ATP6V1B2: variants seen among roughly 807,000 people sequenced by gnomAD.
ATP6V1B2 encodes the protein ATPase H+ transporting V1 subunit B2, also known as V-type proton ATPase subunit B, brain isoform.
Under a neutral mutation model 66.7 loss-of-function variants are expected in ATP6V1B2, and 23 were observed. The ratio of observed to expected loss-of-function variants is 0.34; its 90% CI spans 0.25 to 0.49. The LOEUF (loss-of-function observed/expected upper bound fraction) is 0.49. Among genes scored for constraint, ATP6V1B2 ranks in the 20% least tolerant of loss-of-function variants. The probability of loss-of-function intolerance (pLI) is 0.99; values close to 1 mark genes in which losing one functional copy is unlikely to be tolerated. For synonymous variants in ATP6V1B2, 278 were observed against 236.7 expected (o/e 1.17, Z -1.60); for missense variants, 478 against 650.8 (o/e 0.73, Z 2.89).
intron 2 of ATP6V1B2, among the ~76,000 whole-genome samples, chr8:20,207,944 T>C (rs1479031272): frequency 6.6e-6 from 1 of 152,226 alleles, no homozygotes; most frequent in Non-Finnish European, 1.5e-5. Context: ...GAATGAATAA[T>C]TGACAATGAT....
intron 1 of ATP6V1B2, among the ~76,000 whole-genome samples, chr8:20,201,529 T>A (rs73214062): frequency 6.6e-6 from 1 of 152,178 alleles, no homozygotes; most frequent in Non-Finnish European, 1.5e-5. Flanking sequence ...TGTCCCCACT[T>A]GTAGTCCAAG....
chr8:20,211,154 T>A (rs763031821), intron 5 of ATP6V1B2, 23 bp from the exon 6 acceptor site: 4 of 1,596,432 alleles, frequency 2.5e-6, no homozygotes, highest in South Asian at 2.3e-5. Flanking sequence ...TTGTTGAAAT[T>A]TTCCTTTTTG....
intron 1 of ATP6V1B2, among the ~76,000 whole-genome samples, chr8:20,198,050 G>A (rs1175477991): frequency 2.0e-5 from 3 of 152,244 alleles, no homozygotes; most frequent in Non-Finnish European, 2.9e-5. Context: ...CCAGTAGCCA[G>A]AGGGAGATGT....
chr8:20,197,913 G>A (rs1459020535), intron 1 of ATP6V1B2, among the ~76,000 whole-genome samples: 1 of 152,180 alleles, frequency 6.6e-6, no homozygotes, highest in Non-Finnish European at 1.5e-5. Flanking sequence ...TGGATATCTA[G>A]GGGTCGAGGG....
intron 2 of ATP6V1B2, among the ~76,000 whole-genome samples, chr8:20,205,256 T>A (rs911115933): frequency 1.3e-5 from 2 of 152,180 alleles, no homozygotes; most frequent in African/African-American, 4.8e-5. Flanking sequence ...AAAATATAAA[T>A]TTTTTAAATA....
At chr8:20,211,521 T>C in intron 6 of ATP6V1B2, 131 bp from the exon 7 acceptor site, 2 of 1,271,348 alleles carry the variant, frequency 1.6e-6, no homozygotes, top group South Asian at 1.4e-5. Flanking sequence ...AAAATAGTTT[T>C]GTTGAATGAA....
At chr8:20,210,311 CT>C in intron 3 of ATP6V1B2, 34 bp from the exon 4 acceptor site, 1 of 1,557,476 alleles carries the variant, frequency 6.4e-7, no homozygotes, top group Non-Finnish European at 8.8e-7. Flanking sequence ...ATCTAAATTA[CT>C]TCTACCCTTC....
intron 6 of ATP6V1B2, 98 bp from the exon 7 acceptor site, chr8:20,211,554 G>T (rs1030283402): frequency 1.5e-6 from 2 of 1,378,318 alleles, no homozygotes; most frequent in Non-Finnish European, 2.0e-6. Flanking sequence ...TCCTGGTTTC[G>T]TTTATGATTA....
Position 20,205,532 on chromosome 8 carries a change from A to G in ATP6V1B2, c.192+993A>G, listed in dbSNP as rs918524529. On this transcript the variant is annotated intron_variant, in intron 2 of 13. Transcript: ENST00000276390. The stretch of plus-strand genomic sequence containing the variant: ...ATTTTAAGAGACCTAAAAAAGTTTC[A>G]TTGAATGTTACATTGGGTTGTAGTT... Among the ~76,000 whole-genome samples, 4 of 152,224 alleles carry G rather than the reference A, an allele frequency of 2.6e-5. No homozygotes were observed. The East Asian group carries it at 7.7e-4, about 29-fold the overall frequency.
intron 1 of ATP6V1B2, among the ~76,000 whole-genome samples, chr8:20,199,236 G>A (rs1180467236): frequency 1.3e-5 from 2 of 152,318 alleles, no homozygotes; most frequent in Admixed American, 1.3e-4. Flanking sequence ...TGACAAAACT[G>A]TTGTAGCATA....
intron 11 of ATP6V1B2, 107 bp from the exon 12 acceptor site, chr8:20,217,113 G>C (rs2072862409): frequency 2.2e-6 from 2 of 924,924 alleles, no homozygotes; most frequent in Admixed American, 3.9e-5. Context: ...TGCAGCGGTT[G>C]TCTTTGATTT....
chr8:20,208,093 G>A (rs1013699175), intron 2 of ATP6V1B2, among the ~76,000 whole-genome samples: 3 of 152,178 alleles, frequency 2.0e-5, no homozygotes, highest in Admixed American at 1.3e-4. Flanking sequence ...TTTTTATATA[G>A]CTAGGGAGAG....
chr8:20,199,543 T>C (rs952255748), intron 1 of ATP6V1B2, among the ~76,000 whole-genome samples: 2 of 152,076 alleles, frequency 1.3e-5, no homozygotes, highest in Non-Finnish European at 2.9e-5. Context: ...ATATTTTTTA[T>C]TCTACTCAAA....
In ATP6V1B2 at chr8:20,212,918, T is replaced by TA; in HGVS notation, c.927+13_927+14insA. The stretch of plus-strand genomic sequence containing the variant: ...AGCACTTCGAGAGGTAAGTTGTTCA[T>TA]GTTTTTCCCTCAGTTAAACAAAATT... On this transcript the variant is annotated intron_variant, in intron 9 of 13. Coordinates refer to ENST00000276390, the MANE Select transcript of ATP6V1B2 (RefSeq NM_001693.4). 6.2e-7 allele frequency: 1 copy of TA among 1,613,044 alleles called. No homozygotes were observed. The highest frequency in any genetic ancestry group is 8.5e-7 in the Non-Finnish European group (1 of 1,179,470).
chr8:20,209,573 A>G (rs1345482012), intron 3 of ATP6V1B2, 42 bp downstream of exon 3: 4 of 1,523,834 alleles, frequency 2.6e-6, no homozygotes, highest in African/African-American at 2.7e-5. Context: ...CTAGTTGCCT[A>G]CACATAGGGA....
chr8:20,202,731 C>T (rs1446465212), intron 1 of ATP6V1B2, among the ~76,000 whole-genome samples: 1 of 152,122 alleles, frequency 6.6e-6, no homozygotes, highest in Admixed American at 6.5e-5. Flanking sequence ...GAGATACAAT[C>T]TTGTTGAAAA....
At chr8:20,210,535 A>G (rs368483898) in intron 4 of ATP6V1B2, 34 bp from the exon 5 acceptor site, 3 of 1,610,742 alleles carry the variant, frequency 1.9e-6, no homozygotes, top group Non-Finnish European at 8.5e-7. Flanking sequence ...GAAAGTCAGC[A>G]TCTACTCTGT....
At chr8:20,214,622 A>G (rs1261352956) in intron 9 of ATP6V1B2, 196 bp from the exon 10 acceptor site, 2 of 503,220 alleles carry the variant, frequency 4.0e-6, no homozygotes, top group Non-Finnish European at 6.1e-6. Flanking sequence ...CTGGTGCCCC[A>G]TTGTCAACAT....
intron 9 of ATP6V1B2, chr8:20,214,446 TTAGA>T: frequency 6.2e-6 from 1 of 160,112 alleles, no homozygotes; most frequent in Non-Finnish European, 1.4e-5. Context: ...TGGGATTAGG[TTAGA>T]TAAATATGGC....
Sources: gnomAD v4.1 joint callset for allele counts (sites outside exome capture counted in the v4.1 genomes callset) on GRCh38, gnomAD v4.1.1 for gene constraint, MANE v1.5 for transcripts, NCBI Gene and HGNC (gene_info 2026-07-23, HGNC 2026-07-21) for gene names.